TNFRSF13B: variants seen among roughly 807,000 people sequenced by gnomAD.
The protein encoded by TNFRSF13B is TNF receptor superfamily member 13B, also known as tumor necrosis factor receptor superfamily member 13B.
TNFRSF13B carries 34 observed loss-of-function variants against 24.0 expected under a neutral mutation model. The observed-to-expected ratio is 1.41, with a 90% CI of 1.08 to 1.88. TNFRSF13B has a LOEUF of 1.88. TNFRSF13B is among the 40% of genes most tolerant of loss of function. TNFRSF13B has a pLI of 0.00. For synonymous variants in TNFRSF13B, 173 were observed against 150.3 expected (o/e 1.15, Z -1.10); for missense variants, 415 against 380.8 (o/e 1.09, Z -0.75).
chr17:16,948,688 C>T (rs200523003), intron 3 of TNFRSF13B, 50 bp downstream of exon 3: 237 of 1,612,210 alleles, frequency 1.5e-4, no homozygotes, highest in African/African-American at 8.0e-4. Context: ...AGGCCTCCCA[C>T]GCTTTCTCAC....
chr17:16,949,597 A>T (rs2087573930), intron 2 of TNFRSF13B, among the ~76,000 whole-genome samples: 1 of 152,206 alleles, frequency 6.6e-6, no homozygotes, highest in African/African-American at 2.4e-5. Flanking sequence ...CACTTGCCTT[A>T]AGAGAGCACA....
chr17:16,969,359 T>C (rs1177012297), intron 1 of TNFRSF13B, among the ~76,000 whole-genome samples: 2 of 152,240 alleles, frequency 1.3e-5, no homozygotes, highest in African/African-American at 4.8e-5. Context: ...TAAAGTGGAA[T>C]GTTACTTGGC....
At chr17:16,971,451 T>G (rs981262076) in intron 1 of TNFRSF13B, among the ~76,000 whole-genome samples, 1 of 152,104 alleles carries the variant, frequency 6.6e-6, no homozygotes, top group African/African-American at 2.4e-5. Flanking sequence ...GAAACTGTTA[T>G]AGATTAAAAC....
chr17:16,945,074 C>T (rs146320235), intron 3 of TNFRSF13B, among the ~76,000 whole-genome samples: 5 of 152,284 alleles, frequency 3.3e-5, no homozygotes, highest in Admixed American at 6.5e-5. Context: ...ACCCTGGGCC[C>T]CTGGAGAAAT....
chr17:16,948,765 C>A lies in TNFRSF13B; in HGVS notation c.418G>T (p.Glu140Ter). 1 of 1,614,184 alleles carries A rather than the reference C, an allele frequency of 6.2e-7. No individual in the cohort carries two copies. Among genetic ancestry groups the A allele is most frequent in the Non-Finnish European group, 8.5e-7 (1 of 1,180,042 alleles). The change falls in exon 3 of 5, where the codon GAG becomes TAG. Residue 140 changes from glutamate (E) to a stop codon, truncating the protein, a stop_gained. Transcript: ENST00000261652. LOFTEE classifies it high-confidence loss of function. Reference sequence around the variant, plus strand: ...GGACTTGCTTCTGAGCCTCTGTGCTCCAATCCTTGGTACCTTCCCGAGTTG... The same window carrying A: ...GGACTTGCTTCTGAGCCTCTGTGCTACAATCCTTGGTACCTTCCCGAGTTG... The part of the protein sequence containing the change: ...SDNSGRYQGL[E>*]HRGSEASPAL...
At chr17:16,965,748 C>T (rs561517891) in intron 1 of TNFRSF13B, among the ~76,000 whole-genome samples, 5 of 152,196 alleles carry the variant, frequency 3.3e-5, no homozygotes, top group East Asian at 1.9e-4. Flanking sequence ...GGGCCAGAAA[C>T]GAGCACAGGA....
intron 1 of TNFRSF13B, among the ~76,000 whole-genome samples, chr17:16,953,190 A>T (rs534692588): frequency 1.6e-4 from 24 of 152,290 alleles, no homozygotes; most frequent in South Asian, 4.1e-4. Context: ...TTTCTTATTA[A>T]TTGCTGAGTC....
intron 1 of TNFRSF13B, among the ~76,000 whole-genome samples, chr17:16,965,425 T>A (rs2087692415): frequency 6.6e-6 from 1 of 152,242 alleles, no homozygotes. Context: ...CTCCCCGTAC[T>A]GTCTCATTTG....
chr17:16,970,296 T>C (rs144809960), intron 1 of TNFRSF13B, among the ~76,000 whole-genome samples: 240 of 152,180 alleles, frequency 1.6e-3, no homozygotes, highest in Non-Finnish European at 2.9e-3. Flanking sequence ...TGGGCTGGGC[T>C]CAGACTCTGG....
chr17:16,944,958 C>T (rs531263298), intron 3 of TNFRSF13B, among the ~76,000 whole-genome samples: 7 of 152,156 alleles, frequency 4.6e-5, no homozygotes, highest in African/African-American at 1.4e-4. Flanking sequence ...CTGGGTCCCT[C>T]CCCTGGCCAT....
intron 1 of TNFRSF13B, among the ~76,000 whole-genome samples, chr17:16,966,368 C>A (rs2087699519): frequency 6.6e-6 from 1 of 151,736 alleles, no homozygotes; most frequent in Non-Finnish European, 1.5e-5. Flanking sequence ...AGGCACAAAA[C>A]CTTTGCAACT....
Position 16,960,256 on chromosome 17 carries a change from A to G in TNFRSF13B, c.62-7673T>C, listed in dbSNP as rs373006530. ...GCTAGGAATAGAAAGTAACTTTCCT[A>G]TCATGATAAAGGCCATATTTGAGAT... On this transcript the variant is annotated intron_variant, in intron 1 of 4. Transcript: ENST00000261652. Among the ~76,000 whole-genome samples, 3 of 152,188 alleles carry G rather than the reference A, an allele frequency of 2.0e-5. No individual in the cohort carries two copies. In the East Asian group the frequency reaches 5.8e-4, roughly 29 times the overall value.
intron 1 of TNFRSF13B, among the ~76,000 whole-genome samples, chr17:16,954,445 G>T (rs1274984925): frequency 6.6e-6 from 1 of 152,122 alleles, no homozygotes; most frequent in Non-Finnish European, 1.5e-5. Flanking sequence ...TAAACACAGG[G>T]GTTTATCTTC....
intron 3 of TNFRSF13B, among the ~76,000 whole-genome samples, chr17:16,945,517 T>C (rs1385486186): frequency 7.9e-5 from 12 of 152,232 alleles, no homozygotes; most frequent in Admixed American, 7.8e-4. Context: ...AGACTCACTC[T>C]CTAGATCTGT....
At chr17:16,949,065 T>TAA in intron 2 of TNFRSF13B, 82 bp from the exon 3 acceptor site, 11 of 1,319,456 alleles carry the variant, frequency 8.3e-6, no homozygotes, top group Non-Finnish European at 1.1e-5. Context: ...ACATCAAAGT[T>TAA]AAAAAAAAAA....
At chr17:16,944,725 G>A (rs1320554930) in intron 3 of TNFRSF13B, among the ~76,000 whole-genome samples, 2 of 152,204 alleles carry the variant, frequency 1.3e-5, no homozygotes, top group Admixed American at 6.5e-5. Flanking sequence ...CAGCAAGCCT[G>A]CCACAGTTCC....
intron 1 of TNFRSF13B, among the ~76,000 whole-genome samples, chr17:16,959,399 A>G (rs935945406): frequency 2.6e-5 from 4 of 151,882 alleles, no homozygotes; most frequent in African/African-American, 9.7e-5. Context: ...TAACTAAATC[A>G]TAACCTAATT....
At chr17:16,941,247 G>A (rs186794314) in intron 3 of TNFRSF13B, 34 of 987,742 alleles carry the variant, frequency 3.4e-5, no homozygotes, top group Non-Finnish European at 8.4e-6. Flanking sequence ...GACACAGAGG[G>A]CCCACTGTGT....
intron 1 of TNFRSF13B, among the ~76,000 whole-genome samples, chr17:16,967,905 A>G (rs1230268222): frequency 6.6e-6 from 1 of 151,774 alleles, no homozygotes; most frequent in African/African-American, 2.4e-5. Flanking sequence ...TGGGATGCCG[A>G]GGTGGGTGGA....
Sources: gnomAD v4.1 joint callset for allele counts (sites outside exome capture counted in the v4.1 genomes callset) on GRCh38, gnomAD v4.1.1 for gene constraint, MANE v1.5 for transcripts, NCBI Gene and HGNC (gene_info 2026-07-23, HGNC 2026-07-21) for gene names.